DACH2: variants seen among roughly 807,000 people sequenced by gnomAD.
The protein encoded by DACH2 is dachshund family transcription factor 2.
Under a neutral mutation model 35.8 loss-of-function variants are expected in DACH2, and 17 were observed. The observed-to-expected ratio is 0.48, with a 90% CI of 0.33 to 0.71. The LOEUF is 0.71. DACH2 is among the 30% of genes least tolerant of loss of function. The pLI is 0.02. For missense variants in DACH2, 469 were observed against 472.7 expected (o/e 0.99, Z 0.07); for synonymous variants, 195 against 177.3 (o/e 1.10, Z -0.79).
intron 3 of DACH2, among the ~76,000 whole-genome samples, chrX:86,641,103 A>T (rs2148398046): frequency 8.9e-6 from 1 of 112,139 alleles, no homozygotes; most frequent in East Asian, 2.8e-4. Context: ...AACAAGGCAA[A>T]ACTGCCTGGA....
intron 6 of DACH2, among the ~76,000 whole-genome samples, chrX:86,724,470 A>G (rs2041442674): frequency 9.0e-6 from 1 of 111,727 alleles, no homozygotes; most frequent in Non-Finnish European, 1.9e-5. Context: ...GTGGATAAAA[A>G]ATGCTTGTCT....
intron 2 of DACH2, among the ~76,000 whole-genome samples, chrX:86,416,885 G>C (rs1356311234): frequency 9.1e-6 from 1 of 109,688 alleles, no homozygotes; most frequent in East Asian, 2.9e-4. Context: ...GATCACCTGA[G>C]GTCAGGATTT....
intron 7 of DACH2, among the ~76,000 whole-genome samples, chrX:86,795,157 C>T (rs1455859002): frequency 1.8e-5 from 2 of 109,962 alleles, no homozygotes; most frequent in Admixed American, 1.9e-4. Context: ...TCCCTAGTGA[C>T]CAAATAGAAT....
At chrX:86,445,566 CAA>C (rs34980646) in intron 2 of DACH2, among the ~76,000 whole-genome samples, 6 of 48,086 alleles carry the variant, frequency 1.2e-4, no homozygotes, top group South Asian at 2.1e-3. Context: ...TCAGAGTGAA[CAA>C]AAAAAAAAAA....
chrX:86,337,644 A>C (rs2035337135), intron 1 of DACH2, among the ~76,000 whole-genome samples: 1 of 112,075 alleles, frequency 8.9e-6, no homozygotes, highest in Admixed American at 9.5e-5. Flanking sequence ...CTATGGAAAA[A>C]CTGGATTAAC....
chrX:86,654,193 A>C lies in DACH2; in HGVS notation c.772+3026A>C, dbSNP rs866570740. Among the ~76,000 whole-genome samples, 191 of 98,387 alleles carry C rather than the reference A, an allele frequency of 1.9e-3. 3 individuals are homozygous for C. Among genetic ancestry groups the C allele is most frequent in the African/African-American group, 7.5e-3 (179 of 23,749 alleles). 85.4% of individuals were successfully genotyped at this position (98,387 alleles called of 115,157 possible). On this transcript the variant is annotated intron_variant, in intron 4 of 11. Coordinates refer to ENST00000373125, the MANE Select transcript of DACH2 (RefSeq NM_053281.3). Reference sequence around the variant, plus strand: ...GTCTCCCAAACATTTTTAGTAAAAAAAAAAAAAAAAAAAAAAAAAAACGCA... The same window carrying C: ...GTCTCCCAAACATTTTTAGTAAAAACAAAAAAAAAAAAAAAAAAAAACGCA...
intron 4 of DACH2, among the ~76,000 whole-genome samples, chrX:86,675,334 T>G (rs2148428140): frequency 9.0e-6 from 1 of 111,353 alleles, no homozygotes; most frequent in South Asian, 3.8e-4. Flanking sequence ...ATTTGAGAGG[T>G]TGGAAAATTA....
intron 2 of DACH2, among the ~76,000 whole-genome samples, chrX:86,400,430 G>A (rs991813792): frequency 1.1e-4 from 12 of 111,764 alleles, no homozygotes; most frequent in South Asian, 3.7e-4. Flanking sequence ...GAGGAGCTGC[G>A]TTCCTTTGGA....
At chrX:86,773,784 C>A (rs994139388) in intron 7 of DACH2, among the ~76,000 whole-genome samples, 2 of 111,858 alleles carry the variant, frequency 1.8e-5, no homozygotes, top group African/African-American at 6.5e-5. Flanking sequence ...CCACCACCAC[C>A]ACATATCAAA....
intron 1 of DACH2, among the ~76,000 whole-genome samples, chrX:86,327,038 G>A (rs1374677445): frequency 1.8e-5 from 2 of 111,959 alleles, no homozygotes; most frequent in African/African-American, 3.2e-5. Context: ...ATCTGTATGA[G>A]TGGATGAAAA....
chrX:86,380,668 CATTAAT>C (rs2036032683), intron 2 of DACH2, among the ~76,000 whole-genome samples: 1 of 110,100 alleles, frequency 9.1e-6, no homozygotes, highest in Non-Finnish European at 1.9e-5. Flanking sequence ...ATCTGTGAAA[CATTAAT>C]ATTATGACTA....
chrX:86,813,805 T>C lies in DACH2; in HGVS notation c.1537+528T>C, dbSNP rs1202381734. 1.8e-4 allele frequency among the ~76,000 whole-genome samples: 20 copies of C among 110,799 alleles called. No homozygotes were observed. In the Admixed American group the frequency reaches 1.9e-3, roughly 11 times the overall value. On this transcript the variant is annotated intron_variant, in intron 9 of 11. Transcript: ENST00000373125. ...TTCAGGCTTTGAAAACTAGTAGCTA[T>C]GTTATCTTGGGTAAATTTCTTGACC...
chrX:86,261,607 G>T (rs1048611591), intron 1 of DACH2, among the ~76,000 whole-genome samples: 2 of 111,617 alleles, frequency 1.8e-5, no homozygotes, highest in African/African-American at 3.3e-5. Flanking sequence ...TGCCAAAAAT[G>T]ATTGACTGGG....
chrX:86,779,603 A>G (rs1338336653), intron 7 of DACH2, among the ~76,000 whole-genome samples: 1 of 111,563 alleles, frequency 9.0e-6, no homozygotes, highest in African/African-American at 3.3e-5. Context: ...GGGGAGCAGA[A>G]ACTGAGGCAG....
At chrX:86,555,539 T>C (rs1446443275) in intron 3 of DACH2, among the ~76,000 whole-genome samples, 1 of 111,709 alleles carries the variant, frequency 9.0e-6, no homozygotes, top group Non-Finnish European at 1.9e-5. Flanking sequence ...GATCATGTCA[T>C]AAAAATGTAA....
At chrX:86,212,896 C>T (rs2032479951) in intron 1 of DACH2, among the ~76,000 whole-genome samples, 1 of 111,177 alleles carries the variant, frequency 9.0e-6, no homozygotes, top group South Asian at 3.7e-4. Context: ...CCAGGAGGCA[C>T]AAAAGTCAGT....
intron 1 of DACH2, among the ~76,000 whole-genome samples, chrX:86,203,246 C>A (rs1280280360): frequency 1.8e-5 from 2 of 111,068 alleles, no homozygotes; most frequent in Admixed American, 1.9e-4. Flanking sequence ...GCTTACTATA[C>A]AGATTTATAG....
intron 2 of DACH2, among the ~76,000 whole-genome samples, chrX:86,482,851 GA>G (rs1474940040): frequency 9.1e-6 from 1 of 109,523 alleles, no homozygotes; most frequent in African/African-American, 3.3e-5. Flanking sequence ...GGACATGGAT[GA>G]AATTGGAAAC....
At chrX:86,568,276 TA>T (rs1231900782) in intron 3 of DACH2, among the ~76,000 whole-genome samples, 12 of 111,481 alleles carry the variant, frequency 1.1e-4, no homozygotes, top group East Asian at 8.5e-4. Flanking sequence ...AACCCTAATG[TA>T]AACTCAGGGT....
Sources: allele counts gnomAD v4.1 joint callset (sites outside exome capture counted in the v4.1 genomes callset), GRCh38; gene constraint gnomAD v4.1.1; transcripts MANE v1.5; gene names NCBI Gene and HGNC (gene_info 2026-07-23, HGNC 2026-07-21).